SCGB2B2: variants seen among roughly 807,000 people sequenced by gnomAD.
SCGB2B2 encodes secretoglobin family 2B member 2, also known as secretoglobin-like protein.
Under a neutral mutation model 7.6 loss-of-function variants are expected in SCGB2B2, and 11 were observed. The ratio of observed to expected loss-of-function variants is 1.45; its 90% CI spans 0.91 to 2.40. The LOEUF (loss-of-function observed/expected upper bound fraction) is 2.40. SCGB2B2 is among the 30% of genes most tolerant of loss of function. The pLI is 0.00. For missense variants in SCGB2B2, 104 were observed against 115.4 expected (o/e 0.90, Z 0.45); for synonymous variants, 50 against 48.6 (o/e 1.03, Z -0.12).
chr19:34,594,254 G>A lies in SCGB2B2; in HGVS notation c.167C>T (p.Thr56Ile). 6.2e-7 allele frequency: 1 copy of A among 1,613,976 alleles called. No homozygotes were observed. Among genetic ancestry groups the A allele is most frequent in the Non-Finnish European group, 8.5e-7 (1 of 1,179,808 alleles). ...ELARYNPSPLTEESFLNVQQC... is the reference protein window; with the variant it reads ...ELARYNPSPLIEESFLNVQQC... ...CTGGACATTGAGGAAGGACTCCTCT[G>A]TCAGGGGACTGGGGTTGTAACGAGC... Residue 56 changes from threonine to isoleucine, a missense_variant, in exon 3 of 4, where the codon ACA becomes ATA. By Grantham distance (89) the Thr-to-Ile change is moderately conservative. Transcript: ENST00000601241.
At chr19:34,588,056 G>T (rs1361170088), downstream of SCGB2B2, among the ~76,000 whole-genome samples, 1 of 152,156 alleles carries the variant, frequency 6.6e-6, no homozygotes, top group Non-Finnish European at 1.5e-5. Flanking sequence ...GAATTTGGAA[G>T]AATTCTATAC....
chr19:34,593,986 C>T (rs970376461), intron 3 of SCGB2B2, among the ~76,000 whole-genome samples, 189 bp downstream of exon 3: 2 of 151,882 alleles, frequency 1.3e-5, no homozygotes, highest in African/African-American at 2.4e-5. Flanking sequence ...GCGTCTGGGT[C>T]GAGGACTTGG....
intron 1 of SCGB2B2, among the ~76,000 whole-genome samples, chr19:34,658,819 A>ACAAC (rs1314668755): frequency 2.0e-5 from 2 of 101,308 alleles, no homozygotes; most frequent in Non-Finnish European, 2.5e-5. Flanking sequence ...ACAACAAAAA[A>ACAAC]AAAAAAAAAA....
intron 1 of SCGB2B2, among the ~76,000 whole-genome samples, chr19:34,662,723 G>T (rs2067494712): frequency 6.6e-6 from 1 of 152,064 alleles, no homozygotes; most frequent in South Asian, 2.1e-4. Context: ...CCAAGGCACA[G>T]GAGTTCAAGA....
downstream of SCGB2B2, among the ~76,000 whole-genome samples, chr19:34,590,230 T>C (rs1252255801): frequency 4.6e-5 from 7 of 152,202 alleles, no homozygotes; most frequent in East Asian, 7.7e-4. Flanking sequence ...TCCAAGGTCC[T>C]GCACAGCCCA....
rs1018211898 is a variant in SCGB2B2, at chr19:34,591,413, G to A, written c.*2142C>T. Among the ~76,000 whole-genome samples the A allele has an allele frequency of 4.6e-5, 7 of 152,116 alleles. No homozygotes were observed. The highest frequency in any genetic ancestry group is 1.7e-4 in the African/African-American group (7 of 41,424). On this transcript the variant is annotated 3_prime_UTR_variant, in exon 4 of 4. Transcript: ENST00000601241. ...CTCTGTCTCCCTCGTGTCTCTCCAG[G>A]GCTGCACTGTGACAAGGCCACGGTG...
At chr19:34,633,198 T>C (rs2066583112) in intron 1 of SCGB2B2, among the ~76,000 whole-genome samples, 1 of 152,206 alleles carries the variant, frequency 6.6e-6, no homozygotes, top group Admixed American at 6.5e-5. Context: ...TGGTGAATTA[T>C]TTCAATGGCA....
At chr19:34,654,182 A>T (rs1330074530) in intron 1 of SCGB2B2, among the ~76,000 whole-genome samples, 1 of 151,330 alleles carries the variant, frequency 6.6e-6, no homozygotes, top group Non-Finnish European at 1.5e-5. Context: ...TAAAGCTATT[A>T]AAACAAAAAA....
chr19:34,673,290 G>T (rs1392381682), intron 1 of SCGB2B2, among the ~76,000 whole-genome samples: 1 of 152,098 alleles, frequency 6.6e-6, no homozygotes, highest in East Asian at 1.9e-4. Flanking sequence ...AATCAGACTT[G>T]CTTATGCCTA....
chr19:34,597,102 C>T (rs949978779), intron 1 of SCGB2B2, among the ~76,000 whole-genome samples: 114 of 151,556 alleles, frequency 7.5e-4, no homozygotes, highest in African/African-American at 2.6e-3. Context: ...GGGGTTTGTG[C>T]AGCTGTCACT....
intron 1 of SCGB2B2, chr19:34,637,972 T>C (rs1369243996): frequency 6.6e-6 from 1 of 152,212 alleles, no homozygotes; most frequent in Non-Finnish European, 1.5e-5. Context: ...AGAAAGTTAT[T>C]AGAAAATGTG....
At chr19:34,644,697 A>G (rs1475503776) in intron 1 of SCGB2B2, among the ~76,000 whole-genome samples, 3 of 152,182 alleles carry the variant, frequency 2.0e-5, no homozygotes, top group Non-Finnish European at 4.4e-5. Flanking sequence ...AGTGTCAGCC[A>G]TGTCACACAT....
intron 1 of SCGB2B2, among the ~76,000 whole-genome samples, chr19:34,639,296 G>A (rs959654705): frequency 1.3e-5 from 2 of 152,196 alleles, no homozygotes; most frequent in South Asian, 2.1e-4. Flanking sequence ...AGGAAGAACA[G>A]AAAGCTATCT....
In SCGB2B2 at chr19:34,596,426, TG is replaced by T. The variant is rs963036588; in HGVS notation, c.-1864del. On this transcript the variant is annotated 5_prime_UTR_variant, in exon 2 of 4. The change abolishes the stop of an existing upstream ORF in the 5' untranslated region. Coordinates refer to ENST00000601241, the MANE Select transcript of SCGB2B2 (RefSeq NM_001025591.4). ...CATGTTGTGTGTGCGGGACGAGGCT[TG>T]GGTGCACGTGTGTGAGAATGGGATT... 1.3e-5 allele frequency: 2 copies of T among 152,736 alleles called. No homozygotes were observed. The highest frequency in any genetic ancestry group is 4.8e-5 in the African/African-American group (2 of 41,442). 9.5% of individuals were successfully genotyped at this position (152,736 alleles called of 1,614,324 possible).
chr19:34,610,796 T>A (rs1018462192), intron 1 of SCGB2B2, among the ~76,000 whole-genome samples: 1 of 150,294 alleles, frequency 6.7e-6, no homozygotes, highest in Admixed American at 6.6e-5. Flanking sequence ...TATGCGTGTG[T>A]CCTTGTCTGG....
intron 1 of SCGB2B2, among the ~76,000 whole-genome samples, chr19:34,628,399 G>T (rs10413085): frequency 0.31 from 46,469 of 151,234 alleles, 8,297 homozygotes; most frequent in Middle Eastern, 0.47. Context: ...AAAGAGAGAA[G>T]AATCAAATAG....
chr19:34,623,173 AC>A lies in SCGB2B2; in HGVS notation c.-2031-26580del, dbSNP rs137992512. On this transcript the variant is annotated intron_variant, in intron 1 of 3. Coordinates refer to ENST00000601241, the MANE Select transcript of SCGB2B2 (RefSeq NM_001025591.4). ...AATTTCTTTGCTGCCTACAGGGCCA[AC>A]TGTTTCTCAGCAGCAGTTAGGGTTT... 2.6e-5 allele frequency among the ~76,000 whole-genome samples: 4 copies of A among 152,244 alleles called. No homozygotes were observed. In the East Asian group the frequency reaches 7.7e-4, roughly 29 times the overall value.
At position 34,655,789 on chromosome 19, in the gene SCGB2B2, A is replaced by C. The variant is rs374313607; in HGVS notation, c.-2032+19841T>G. Reference sequence around the variant, plus strand: ...GAAACCCAAGGCAAGCAAGAGCAACATATCTAACGAGAGGCAAGGAAAAGG... The same window carrying C: ...GAAACCCAAGGCAAGCAAGAGCAACCTATCTAACGAGAGGCAAGGAAAAGG... On this transcript the variant is annotated intron_variant, in intron 1 of 3. Transcript: ENST00000601241. Among the ~76,000 whole-genome samples, 16 of 151,470 alleles carry C rather than the reference A, an allele frequency of 1.1e-4. 1 individual carries two copies. Among genetic ancestry groups the C allele is most frequent in the African/African-American group, 2.9e-4 (12 of 40,746 alleles).
rs10642679 is a variant in SCGB2B2, at chr19:34,590,750, A to ACT, written c.*2803_*2804dup. ...GTCGTAAGCATTTTAGTTAAAGTAA[A>ACT]CTCACAGGACATTGTCATTTTAAGA... On this transcript the variant is annotated 3_prime_UTR_variant, in exon 4 of 4. Coordinates refer to ENST00000601241, the MANE Select transcript of SCGB2B2 (RefSeq NM_001025591.4). Among the ~76,000 whole-genome samples the ACT allele has an allele frequency of 0.63, 95,864 of 151,910 alleles. 30,511 individuals carry two copies. Among genetic ancestry groups the ACT allele is most frequent in the East Asian group, 0.89 (4,617 of 5,160 alleles).
Sources: allele counts gnomAD v4.1 joint callset (sites outside exome capture counted in the v4.1 genomes callset), GRCh38; gene constraint gnomAD v4.1.1; transcripts MANE v1.5; gene names NCBI Gene and HGNC (gene_info 2026-07-23, HGNC 2026-07-21).